SEC23A: variants seen among roughly 807,000 people sequenced by gnomAD.
SEC23A encodes protein transport protein Sec23A.
SEC23A carries 56 observed loss-of-function variants against 103.7 expected under a neutral mutation model. The ratio of observed to expected loss-of-function variants is 0.54; its 90% CI spans 0.44 to 0.67. SEC23A has a LOEUF of 0.67. Among genes scored for constraint, SEC23A ranks in the 30% least tolerant of loss-of-function variants. The probability of loss-of-function intolerance (pLI) is 0.00; values close to 1 mark genes in which losing one functional copy is unlikely to be tolerated. For missense variants in SEC23A, 784 were observed against 936.4 expected (o/e 0.84, Z 2.12); for synonymous variants, 281 against 293.0 (o/e 0.96, Z 0.42).
intron 16 of SEC23A, among the ~76,000 whole-genome samples, chr14:39,044,873 T>C (rs1247911763): frequency 6.6e-6 from 1 of 152,182 alleles, no homozygotes; most frequent in Non-Finnish European, 1.5e-5. Flanking sequence ...AATAATCATA[T>C]GCTTTGGAGG....
At chr14:39,072,167 A>C (rs1886861697) in intron 9 of SEC23A, among the ~76,000 whole-genome samples, 1 of 151,806 alleles carries the variant, frequency 6.6e-6, no homozygotes, top group Non-Finnish European at 1.5e-5. Flanking sequence ...AGGAGGCAGA[A>C]GTTCCAGTGA....
intron 5 of SEC23A, chr14:39,088,859 C>A (rs1302223873): frequency 6.6e-6 from 1 of 151,640 alleles, no homozygotes; most frequent in Non-Finnish European, 1.5e-5. Flanking sequence ...ATGGTGAAAC[C>A]TTGTCTCTAC....
intron 1 of SEC23A, 139 bp downstream of exon 1, chr14:39,102,893 G>C (rs1383041986): frequency 2.6e-5 from 4 of 152,490 alleles, no homozygotes; most frequent in Admixed American, 1.3e-4. Flanking sequence ...AGCACTCAAC[G>C]CTCCCCGCGC....
chr14:39,082,634 A>C lies in SEC23A; in HGVS notation c.828+3128T>G, dbSNP rs1887267759. On this transcript the variant is annotated intron_variant, in intron 7 of 19. Coordinates refer to ENST00000307712, the MANE Select transcript of SEC23A (RefSeq NM_006364.4). ...TGTTTATTAATTACAAAGGGGTAAA[A>C]AAAGAGTAATTTTAAAGTGGAGAGC... Among the ~76,000 whole-genome samples the C allele has an allele frequency of 2.0e-5, 3 of 152,310 alleles. No individual in the cohort carries two copies. In the South Asian group the frequency reaches 6.2e-4, roughly 32 times the overall value.
At chr14:39,057,542 T>C (rs748189850) in intron 13 of SEC23A, among the ~76,000 whole-genome samples, 2 of 152,034 alleles carry the variant, frequency 1.3e-5, no homozygotes, top group Admixed American at 6.6e-5. Flanking sequence ...TTTAAAACAA[T>C]TGTTTCAGAG....
At chr14:39,057,285 G>A (rs569568997) in intron 13 of SEC23A, among the ~76,000 whole-genome samples, 11 of 143,682 alleles carry the variant, frequency 7.7e-5, no homozygotes, top group Non-Finnish European at 1.0e-4. Context: ...CAGCATGGGC[G>A]ACAGAGCGAG....
At chr14:39,101,876 G>T (rs1160704052) in intron 1 of SEC23A, among the ~76,000 whole-genome samples, 2 of 152,072 alleles carry the variant, frequency 1.3e-5, no homozygotes, top group Non-Finnish European at 2.9e-5. Context: ...CAAAATAAGA[G>T]ACTTGGACTA....
At chr14:39,038,904 C>A (rs1885542658) in intron 19 of SEC23A, 127 bp downstream of exon 19, 1 of 839,694 alleles carries the variant, frequency 1.2e-6, no homozygotes, top group Non-Finnish European at 2.0e-6. Context: ...TTTCTACTCT[C>A]ATTTTTACAT....
intron 19 of SEC23A, among the ~76,000 whole-genome samples, chr14:39,037,713 C>T (rs1348344713): frequency 6.6e-6 from 1 of 152,208 alleles, no homozygotes; most frequent in Non-Finnish European, 1.5e-5. Flanking sequence ...TCAAATCTCA[C>T]AAATTATCCC....
chr14:39,094,853 A>C, intron 2 of SEC23A: 1 of 603,898 alleles, frequency 1.7e-6, no homozygotes, highest in Non-Finnish European at 2.9e-6. Flanking sequence ...TGGATAACAC[A>C]AGATGAAGGC....
intron 7 of SEC23A, 52 bp downstream of exon 7, chr14:39,085,710 A>ACACACACG: frequency 6.3e-7 from 1 of 1,594,878 alleles, no homozygotes; most frequent in Non-Finnish European, 8.6e-7. Context: ...ACACACACAC[A>ACACACACG]CACACACACA....
chr14:39,098,666 C>G (rs1388451752), intron 1 of SEC23A, among the ~76,000 whole-genome samples: 1 of 151,288 alleles, frequency 6.6e-6, no homozygotes, highest in Non-Finnish European at 1.5e-5. Context: ...CCCAGCTACT[C>G]AGGAGGCTAA....
At chr14:39,040,603 C>G in intron 18 of SEC23A, 129 bp downstream of exon 18, 1 of 1,189,636 alleles carries the variant, frequency 8.4e-7, no homozygotes, top group Non-Finnish European at 1.2e-6. Context: ...GCACTGATAC[C>G]TTCCCCACCT....
intron 15 of SEC23A, among the ~76,000 whole-genome samples, chr14:39,048,026 T>C (rs1416462712): frequency 6.6e-6 from 1 of 152,214 alleles, no homozygotes; most frequent in East Asian, 1.9e-4. Context: ...TAACCTCAGA[T>C]GAAGTCCTTC....
intron 17 of SEC23A, among the ~76,000 whole-genome samples, chr14:39,042,237 A>C (rs17108767): frequency 0.022 from 3,378 of 152,336 alleles, 154 homozygotes; most frequent in African/African-American, 0.076. Context: ...AGCACTTAAC[A>C]ATTGGCTGAA....
Position 39,064,924 on chromosome 14 carries a change from C to T in SEC23A, c.1297G>A (p.Val433Met). Residue 433 changes from valine to methionine, a missense_variant, in exon 11 of 20, where the codon GTG (valine) becomes ATG (methionine). Around this residue, in one of 2 missense-constraint regions of SEC23A, gnomAD observed 683 missense variants for 774.2 expected, o/e 0.88. Transcript: ENST00000307712. ...CVSLNSKGPC[V>M]SENEIGTGGT... ...TAAACACAACTTACATTTTCAGACA[C>T]ACAGGGTCCTTTAGAATTGAGTGAC... 3.1e-6 allele frequency: 5 copies of T among 1,610,690 alleles called. No homozygotes were observed. In the Middle Eastern group the frequency reaches 4.9e-4, roughly 159 times the overall value.
chr14:39,083,493 T>G (rs35412542), intron 7 of SEC23A, among the ~76,000 whole-genome samples: 40,876 of 150,716 alleles, frequency 0.27, 6,536 homozygotes, highest in Non-Finnish European at 0.35. Flanking sequence ...AACTGTGCTC[T>G]GACCACCTTG....
At chr14:39,091,239 G>T in intron 5 of SEC23A, 1 of 533,126 alleles carries the variant, frequency 1.9e-6, no homozygotes, top group Non-Finnish European at 3.3e-6. Context: ...GTAAAATACT[G>T]TTGGTTTGAC....
chr14:39,042,898 T>G, intron 16 of SEC23A, 26 bp from the exon 17 acceptor site: 5 of 1,501,634 alleles, frequency 3.3e-6, no homozygotes, highest in Non-Finnish European at 4.6e-6. Context: ...CAATGAGAAA[T>G]GAGGAAAAAG....
Sources: gnomAD v4.1 joint callset for allele counts (sites outside exome capture counted in the v4.1 genomes callset) on GRCh38, gnomAD v4.1.1 for gene constraint, gnomAD v4.1.1 regional missense constraint, MANE v1.5 for transcripts, NCBI Gene and HGNC (gene_info 2026-07-23, HGNC 2026-07-21) for gene names.